ST7: variants seen among roughly 807,000 people sequenced by gnomAD.
The protein encoded by ST7 is suppressor of tumorigenicity 7 protein.
ST7 carries 28 observed loss-of-function variants against 78.7 expected under a neutral mutation model. The ratio of observed to expected loss-of-function variants is 0.36; its 90% CI spans 0.26 to 0.49. The LOEUF (loss-of-function observed/expected upper bound fraction) is 0.49, where lower values mean the gene tolerates loss of function less well. ST7 is among the 20% of genes least tolerant of loss of function. The pLI is 0.99. For missense variants in ST7, 418 were observed against 696.0 expected, an observed-to-expected ratio of 0.60 and a Z score of 4.49; for synonymous variants, 247 against 249.6, an observed-to-expected ratio of 0.99 and a Z score of 0.10.
chr7:117,185,271 T>C (rs1039055195), intron 10 of ST7, among the ~76,000 whole-genome samples: 8 of 152,232 alleles, frequency 5.3e-5, no homozygotes, highest in Admixed American at 5.2e-4. Context: ...GCACCTCATA[T>C]GATAAATTCT....
intron 1 of ST7, among the ~76,000 whole-genome samples, chr7:116,980,355 G>A (rs188024010): frequency 1.3e-5 from 2 of 152,182 alleles, no homozygotes; most frequent in Non-Finnish European, 2.9e-5. Flanking sequence ...ATCTGAGTCC[G>A]AACACTTCCT....
At chr7:117,090,411 G>A (rs1322700062) in intron 1 of ST7, among the ~76,000 whole-genome samples, 1 of 152,162 alleles carries the variant, frequency 6.6e-6, no homozygotes, top group Admixed American at 6.5e-5. Context: ...TAGTCATTTA[G>A]CGTTTATCAA....
intron 1 of ST7, among the ~76,000 whole-genome samples, chr7:117,018,483 G>A (rs768621771): frequency 6.6e-6 from 1 of 151,410 alleles, no homozygotes; most frequent in Non-Finnish European, 1.5e-5. Context: ...CTCTTTTAAC[G>A]ATTTTTTTTC....
chr7:116,998,717 G>C (rs1236591077), intron 1 of ST7, among the ~76,000 whole-genome samples: 3 of 152,228 alleles, frequency 2.0e-5, no homozygotes, highest in Non-Finnish European at 4.4e-5. Context: ...TTATGTTCTG[G>C]TGAGAAAAAC....
Position 117,115,401 on chromosome 7 carries a change from C to T in ST7, c.235-4160C>T, listed in dbSNP as rs555773417. 8.1e-5 allele frequency among the ~76,000 whole-genome samples: 12 copies of T among 148,286 alleles called. No individual in the cohort carries two copies. In the South Asian group the frequency reaches 2.1e-3, roughly 26 times the overall value. ...ACACAGTCTAACTCTGTCACCCAGG[C>T]TGGAGTACAGTCCCGCGATCTCAGC... On this transcript the variant is annotated intron_variant, in intron 2 of 15. Coordinates refer to ENST00000323984, the MANE Select transcript of ST7 (RefSeq NM_001369598.1).
At chr7:117,064,958 C>T (rs553161175) in intron 1 of ST7, among the ~76,000 whole-genome samples, 1 of 152,262 alleles carries the variant, frequency 6.6e-6, no homozygotes, top group East Asian at 1.9e-4. Flanking sequence ...TGACTAATCT[C>T]ATTGTGTATA....
At chr7:117,047,262 A>G (rs1018218672) in intron 1 of ST7, among the ~76,000 whole-genome samples, 3 of 152,168 alleles carry the variant, frequency 2.0e-5, no homozygotes, top group Non-Finnish European at 4.4e-5. Context: ...TAAGTTGAAA[A>G]TGTTAAACAT....
rs543314687 is a variant in ST7 at position 117,017,237 on chromosome 7, G to A, written c.151+63546G>A. Among the ~76,000 whole-genome samples the A allele has an allele frequency of 1.2e-3, 186 of 152,012 alleles. 1 individual carries two copies. Among genetic ancestry groups the A allele is most frequent in the Non-Finnish European group, 2.0e-3 (136 of 67,994 alleles). On this transcript the variant is annotated intron_variant, in intron 1 of 15. Coordinates refer to ENST00000323984, the MANE Select transcript of ST7 (RefSeq NM_001369598.1). ...CATCACATATACCATCACTTGACAC[G>A]TCACGTGTTTGTTTCTCTGTCTCAC...
chr7:117,170,672 C>T (rs1436440381), intron 9 of ST7, among the ~76,000 whole-genome samples, 190 bp from the exon 10 acceptor site: 2 of 151,972 alleles, frequency 1.3e-5, no homozygotes, highest in Non-Finnish European at 2.9e-5. Flanking sequence ...CAGAGCAAGA[C>T]TCCATCTCAA....
chr7:117,217,393 G>T (rs981609681), intron 13 of ST7, among the ~76,000 whole-genome samples: 6 of 151,946 alleles, frequency 3.9e-5, no homozygotes, highest in Non-Finnish European at 5.9e-5. Flanking sequence ...AAATCCTGCC[G>T]TAATGTAGTT....
chr7:117,205,977 T>C (rs1344877262), intron 12 of ST7, among the ~76,000 whole-genome samples: 1 of 152,236 alleles, frequency 6.6e-6, no homozygotes, highest in African/African-American at 2.4e-5. Flanking sequence ...CCTGTTCCAT[T>C]TATTTTTCTC....
At chr7:117,012,540 A>G (rs868016832) in intron 1 of ST7, among the ~76,000 whole-genome samples, 35 of 152,324 alleles carry the variant, frequency 2.3e-4, no homozygotes, top group African/African-American at 8.2e-4. Flanking sequence ...TGCTATTTAC[A>G]TATTAGCTGT....
intron 1 of ST7, among the ~76,000 whole-genome samples, chr7:117,039,083 A>AGCTAAACCTTTATGAGT (rs1345918371): frequency 2.6e-4 from 39 of 152,166 alleles, no homozygotes; most frequent in Non-Finnish European, 4.3e-4. Context: ...GTGGTTACTT[A>AGCTAAACCTTTATGAGT]GGTTTTCTTT....
intron 9 of ST7, among the ~76,000 whole-genome samples, chr7:117,141,502 C>T (rs1042732621): frequency 7.9e-5 from 12 of 152,224 alleles, no homozygotes; most frequent in Admixed American, 7.8e-4. Context: ...TAAAGCAACA[C>T]GTTAATTATT....
chr7:117,160,481 G>A (rs1397607139), intron 9 of ST7, among the ~76,000 whole-genome samples: 3 of 151,846 alleles, frequency 2.0e-5, no homozygotes, highest in Admixed American at 1.3e-4. Context: ...CTATCTGATT[G>A]CAAAAGTGGT....
chr7:117,118,698 A>G (rs1391416688), intron 2 of ST7, among the ~76,000 whole-genome samples: 1 of 152,104 alleles, frequency 6.6e-6, no homozygotes, highest in African/African-American at 2.4e-5. Context: ...GGAGAGAAAA[A>G]GATGTGGGGG....
intron 1 of ST7, chr7:117,074,695 T>C (rs1436395230): frequency 6.6e-6 from 1 of 152,212 alleles, no homozygotes; most frequent in Non-Finnish European, 1.5e-5. Context: ...CTCCTAAATC[T>C]TTGTAGTTCT....
At chr7:116,977,833 G>A (rs930218653) in intron 1 of ST7, among the ~76,000 whole-genome samples, 8 of 152,226 alleles carry the variant, frequency 5.3e-5, no homozygotes, top group Non-Finnish European at 1.2e-4. Flanking sequence ...GATTACAGGC[G>A]TGAGCCACCG....
chr7:116,986,398 T>A (rs1794192512), intron 1 of ST7, among the ~76,000 whole-genome samples: 1 of 151,960 alleles, frequency 6.6e-6, no homozygotes. Flanking sequence ...AAGTGAAAAA[T>A]TTTCAGAATC....
Sources: gnomAD v4.1 joint callset for allele counts (sites outside exome capture counted in the v4.1 genomes callset) on GRCh38, gnomAD v4.1.1 for gene constraint, MANE v1.5 for transcripts, NCBI Gene and HGNC (gene_info 2026-07-23, HGNC 2026-07-21) for gene names.